Variants in HNF4G observed in about 807,000 individuals in gnomAD.
HNF4G encodes hepatocyte nuclear factor 4 gamma, also known as hepatocyte nuclear factor 4-gamma.
A neutral mutation model predicts 50.9 loss-of-function variants in HNF4G; 21 were observed. The ratio of observed to expected loss-of-function variants is 0.41; its 90% CI spans 0.29 to 0.59. HNF4G has a LOEUF of 0.59. HNF4G is among the 20% of genes least tolerant of loss of function. The pLI, the probability that HNF4G is intolerant of heterozygous loss-of-function variation, is 0.26. For missense variants in HNF4G, 527 were observed against 559.4 expected (o/e 0.94, Z 0.58); for synonymous variants, 198 against 185.6 (o/e 1.07, Z -0.54).
intron 1 of HNF4G, among the ~76,000 whole-genome samples, chr8:75,460,983 A>ATTT (rs1336416328): frequency 1.3e-5 from 2 of 152,180 alleles, no homozygotes; most frequent in African/African-American, 4.8e-5. Flanking sequence ...TAGATTAATG[A>ATTT]TTACCACACT....
intron 1 of HNF4G, among the ~76,000 whole-genome samples, chr8:75,411,414 T>C (rs1810498405): frequency 6.6e-6 from 1 of 152,242 alleles, no homozygotes; most frequent in Non-Finnish European, 1.5e-5. Context: ...TTGGTTTCCA[T>C]ATGTATCTTT....
Position 75,564,280 on chromosome 8 carries a change from C to G in HNF4G, c.*184C>G. On this transcript the variant is annotated 3_prime_UTR_variant, in exon 10 of 10. Coordinates refer to ENST00000396423, the MANE Select transcript of HNF4G (RefSeq NM_004133.5). ...TGTTATTGCTACTATGTAAAACTTT[C>G]ACATGCAACCAATGTATATCTGAGT... The G allele has an allele frequency of 1.8e-6, 1 of 566,480 alleles. No homozygotes were observed. 35.1% of individuals were successfully genotyped at this position (566,480 alleles called of 1,614,324 possible).
In HNF4G at chr8:75,446,875, C is replaced by T. The variant is rs1389138399; in HGVS notation, c.-144+38713C>T. Among the ~76,000 whole-genome samples, 3 of 105,536 alleles carry T rather than the reference C, an allele frequency of 2.8e-5. No individual in the cohort carries two copies. In the Admixed American group the frequency reaches 3.0e-4, roughly 10 times the overall value. 69.2% of individuals were successfully genotyped at this position (105,536 alleles called of 152,430 possible). A position where few individuals can be genotyped will look rare whatever the true frequency, so the allele number is the denominator to read the frequency against. On this transcript the variant is annotated intron_variant, in intron 1 of 10. Transcript: ENST00000354370. Reference sequence around the variant, plus strand: ...TACTGCCCAAGGTAATTTACAGATTCAATGCCATCCCCATCAAGCTACCAA... The same window carrying T: ...TACTGCCCAAGGTAATTTACAGATTTAATGCCATCCCCATCAAGCTACCAA...
intron 5 of HNF4G, among the ~76,000 whole-genome samples, chr8:75,553,639 G>A (rs1200627164): frequency 1.3e-5 from 2 of 152,090 alleles, no homozygotes; most frequent in East Asian, 1.9e-4. Flanking sequence ...CACACAGGTT[G>A]TGGTGTTGTC....
chr8:75,486,536 A>G lies in HNF4G; in HGVS notation c.-143-3553A>G, dbSNP rs555291228. The stretch of plus-strand genomic sequence containing the variant: ...TAGTCCTTGCCTAAGAGTATTTCAC[A>G]CTTTAGTTAAATTAGTAATAATTAC... On this transcript the variant is annotated intron_variant, in intron 1 of 10. Coordinates refer to the HNF4G transcript ENST00000354370. Among the ~76,000 whole-genome samples the G allele has an allele frequency of 2.0e-5, 3 of 152,332 alleles. No individual in the cohort carries two copies. In the South Asian group the frequency reaches 6.2e-4, roughly 32 times the overall value.
chr8:75,423,779 T>C (rs1810827348), intron 1 of HNF4G, among the ~76,000 whole-genome samples: 1 of 149,304 alleles, frequency 6.7e-6, no homozygotes, highest in African/African-American at 2.4e-5. Flanking sequence ...AGCACACATA[T>C]ACTTCCTTCT....
chr8:75,435,891 G>A (rs187088333), intron 1 of HNF4G, among the ~76,000 whole-genome samples: 19 of 152,200 alleles, frequency 1.2e-4, no homozygotes, highest in African/African-American at 4.6e-4. Context: ...ACCACACCCA[G>A]CCAAAAAACA....
chr8:75,550,761 T>A (rs184201108), intron 3 of HNF4G, among the ~76,000 whole-genome samples: 180 of 152,114 alleles, frequency 1.2e-3, no homozygotes, highest in African/African-American at 4.2e-3. Context: ...GAAACCTGTA[T>A]AATATATAGG....
chr8:75,491,638 G>C (rs1041611269), intron 2 of HNF4G, among the ~76,000 whole-genome samples: 3 of 152,170 alleles, frequency 2.0e-5, no homozygotes, highest in Non-Finnish European at 4.4e-5. Flanking sequence ...ACCACAGCCA[G>C]CTAATTTTTG....
intron 2 of HNF4G, among the ~76,000 whole-genome samples, chr8:75,500,993 A>G (rs1365368174): frequency 6.6e-6 from 1 of 151,944 alleles, no homozygotes; most frequent in Non-Finnish European, 1.5e-5. Context: ...AAATAAATAT[A>G]ATAAACATGT....
chr8:75,414,919 T>C (rs2130470973), intron 1 of HNF4G, among the ~76,000 whole-genome samples: 1 of 152,330 alleles, frequency 6.6e-6, no homozygotes, highest in South Asian at 2.1e-4. Context: ...AGGAATAGAA[T>C]GGTTGGATCA....
At chr8:75,465,912 T>A (rs1811958345) in intron 1 of HNF4G, among the ~76,000 whole-genome samples, 1 of 152,190 alleles carries the variant, frequency 6.6e-6, no homozygotes, top group Non-Finnish European at 1.5e-5. Flanking sequence ...CAGCCTGGGA[T>A]AATAGACTCT....
chr8:75,554,320 CTT>C (rs1315687022), intron 5 of HNF4G, among the ~76,000 whole-genome samples: 1 of 152,026 alleles, frequency 6.6e-6, no homozygotes, highest in African/African-American at 2.4e-5. Context: ...AAGTTGCTGA[CTT>C]ATATATTCAG....
At chr8:75,442,388 TA>T (rs1811308604) in intron 1 of HNF4G, among the ~76,000 whole-genome samples, 1 of 152,038 alleles carries the variant, frequency 6.6e-6, no homozygotes, top group African/African-American at 2.4e-5. Flanking sequence ...GCAAGACTTT[TA>T]AAAAATATTT....
chr8:75,537,401 G>A (rs1467516150), upstream of HNF4G, among the ~76,000 whole-genome samples: 3 of 151,818 alleles, frequency 2.0e-5, no homozygotes, highest in African/African-American at 4.8e-5. Flanking sequence ...ATGCCACCAC[G>A]CCTGTCTAGT....
chr8:75,437,083 C>T (rs1811157790), intron 1 of HNF4G, among the ~76,000 whole-genome samples: 1 of 152,110 alleles, frequency 6.6e-6, no homozygotes, highest in East Asian at 1.9e-4. Context: ...TGTAGGTGAA[C>T]AGACACTATA....
At chr8:75,481,613 A>C (rs576502623) in intron 1 of HNF4G, among the ~76,000 whole-genome samples, 1 of 152,286 alleles carries the variant, frequency 6.6e-6, no homozygotes, top group South Asian at 2.1e-4. Flanking sequence ...CGATGAATAG[A>C]AGATAACGGT....
intron 1 of HNF4G, among the ~76,000 whole-genome samples, chr8:75,419,333 C>T (rs566985230): frequency 7.9e-5 from 12 of 152,134 alleles, no homozygotes; most frequent in Admixed American, 7.9e-4. Flanking sequence ...TATGTATCAC[C>T]TTAATTTATA....
intron 1 of HNF4G, among the ~76,000 whole-genome samples, chr8:75,416,130 CA>C (rs1412089716): frequency 6.6e-6 from 1 of 152,082 alleles, no homozygotes; most frequent in Non-Finnish European, 1.5e-5. Flanking sequence ...ATAATGTGAT[CA>C]AGTTCTTTTC....
Sources: gnomAD v4.1 joint callset for allele counts (sites outside exome capture counted in the v4.1 genomes callset) on GRCh38, gnomAD v4.1.1 for gene constraint, MANE v1.5 for transcripts, NCBI Gene and HGNC (gene_info 2026-07-23, HGNC 2026-07-21) for gene names.